Variants in DENND5A observed in about 807,000 individuals in gnomAD.
DENND5A encodes the protein DENN domain-containing protein 5A.
Under a neutral mutation model 140.3 loss-of-function variants are expected in DENND5A, and 64 were observed. The observed-to-expected ratio is 0.46, with a 90% CI of 0.37 to 0.56. The LOEUF (loss-of-function observed/expected upper bound fraction) is 0.56. Among genes scored for constraint, DENND5A ranks in the 20% least tolerant of loss-of-function variants. The pLI, the probability that DENND5A is intolerant of heterozygous loss-of-function variation, is 0.00. For missense variants in DENND5A, 1,292 were observed against 1,593.8 expected (o/e 0.81, Z 3.22); for synonymous variants, 605 against 607.7 (o/e 1.00, Z 0.07).
At chr11:9,210,735 G>T (rs1849849806) in intron 1 of DENND5A, among the ~76,000 whole-genome samples, 1 of 152,126 alleles carries the variant, frequency 6.6e-6, no homozygotes, top group Non-Finnish European at 1.5e-5. Flanking sequence ...GTCTAGCTAG[G>T]TTGCCCAGGT....
At position 9,170,760 on chromosome 11, in the gene DENND5A, G is replaced by A. The variant is rs752932801; in HGVS notation, c.1924C>T (p.Arg642Cys). Reference protein sequence around the residue: ...VDEAEKAIELRLAKIDHTAIH... With the variant: ...VDEAEKAIELCLAKIDHTAIH... ...GCAGTATGGTCAATTTTTGCCAGAC[G>A]CAGCTCAATTGCTTTCTCTGGATGA... Residue 642 changes from arginine to cysteine, a missense_variant, in exon 9 of 23, where the codon CGT (arginine) becomes TGT (cysteine). Transcript: ENST00000328194. 4 of 1,612,308 alleles carry A rather than the reference G, an allele frequency of 2.5e-6. No individual in the cohort carries two copies. The highest frequency in any genetic ancestry group is 1.3e-5 in the African/African-American group (1 of 74,486).
At chr11:9,261,777 C>CAAAAAAAAAA (rs10651988) in intron 1 of DENND5A, among the ~76,000 whole-genome samples, 1 of 89,822 alleles carries the variant, frequency 1.1e-5, no homozygotes, top group Non-Finnish European at 2.1e-5. Context: ...GACTGTGTCT[C>CAAAAAAAAAA]AAAAAAAAAA....
intron 9 of DENND5A, chr11:9,170,178 A>C: frequency 1.4e-6 from 1 of 714,464 alleles, no homozygotes; most frequent in Non-Finnish European, 1.7e-6. Context: ...AACATCTACA[A>C]ACACTTGACA....
In DENND5A at chr11:9,150,690, G is replaced by C. The variant is rs1847585732; in HGVS notation, c.2596C>G (p.Gln866Glu). The C allele has an allele frequency of 3.1e-6, 5 of 1,612,604 alleles. No individual in the cohort carries two copies. Among genetic ancestry groups the C allele is most frequent in the South Asian group, 1.1e-5 (1 of 90,990 alleles). ...TGAGCCCATACTGACCTCATATCCT[G>C]AATCAGGGAGATCCTCAGGGGAGGC... ...LMPPLRISLI[Q>E]DMRHIQNIGE... Residue 866 changes from glutamine to glutamate, a missense_variant, in exon 14 of 23, where the codon CAG becomes GAG. Physicochemically the swap from Gln to Glu is conservative, Grantham distance 29. Coordinates refer to ENST00000328194, the MANE Select transcript of DENND5A (RefSeq NM_015213.4).
chr11:9,207,966 T>C (rs1469570493), intron 1 of DENND5A, among the ~76,000 whole-genome samples: 1 of 152,214 alleles, frequency 6.6e-6, no homozygotes. Context: ...ATAAAGTCAC[T>C]AGTGCTTTAT....
chr11:9,163,437 T>C (rs1349189511), intron 11 of DENND5A, among the ~76,000 whole-genome samples: 1 of 152,190 alleles, frequency 6.6e-6, no homozygotes, highest in Non-Finnish European at 1.5e-5. Context: ...AATTGATATG[T>C]ATTTCACAGT....
chr11:9,174,086 G>C (rs1438117622), intron 8 of DENND5A, among the ~76,000 whole-genome samples: 1 of 94,718 alleles, frequency 1.1e-5, no homozygotes, highest in Non-Finnish European at 1.9e-5. Context: ...CTGGGCGATA[G>C]AGCAAGACTC....
chr11:9,216,271 T>C (rs1384367296), intron 1 of DENND5A, among the ~76,000 whole-genome samples: 1 of 152,250 alleles, frequency 6.6e-6, no homozygotes. Flanking sequence ...TCCATGACTA[T>C]TGGGCCTAGA....
chr11:9,170,519 G>C (rs1848334360), intron 9 of DENND5A, 108 bp downstream of exon 9: 2 of 1,364,306 alleles, frequency 1.5e-6, no homozygotes, highest in Non-Finnish European at 2.0e-6. Context: ...CTCCATATCT[G>C]CTTTAGAAAA....
At chr11:9,152,952 C>T (rs1489093916) in intron 12 of DENND5A, among the ~76,000 whole-genome samples, 2 of 150,072 alleles carry the variant, frequency 1.3e-5, no homozygotes, top group Non-Finnish European at 3.0e-5. Context: ...GAGCCTAGAT[C>T]GCACCATTGC....
chr11:9,185,170 G>A (rs566367929), intron 5 of DENND5A, among the ~76,000 whole-genome samples: 3 of 152,184 alleles, frequency 2.0e-5, no homozygotes, highest in East Asian at 3.9e-4. Context: ...CAGCCTGGGC[G>A]ACAGTGTGAG....
intron 11 of DENND5A, among the ~76,000 whole-genome samples, chr11:9,161,227 G>A (rs555933546): frequency 6.6e-6 from 1 of 152,196 alleles, no homozygotes; most frequent in African/African-American, 2.4e-5. Context: ...GGGCGCCTGT[G>A]GTCCCAGCTA....
intron 1 of DENND5A, among the ~76,000 whole-genome samples, chr11:9,216,922 G>C (rs747419129): frequency 1.3e-5 from 2 of 152,004 alleles, no homozygotes; most frequent in Non-Finnish European, 2.9e-5. Flanking sequence ...TGTAGTACCA[G>C]CTATTCAGGA....
At chr11:9,244,364 T>C (rs13377443) in intron 1 of DENND5A, among the ~76,000 whole-genome samples, 5,062 of 152,068 alleles carry the variant, frequency 0.033, 292 homozygotes, top group African/African-American at 0.12. Context: ...TTATTTATTT[T>C]ATTTATTTTT....
chr11:9,195,678 CA>C (rs1849300044), intron 4 of DENND5A, among the ~76,000 whole-genome samples: 1 of 152,126 alleles, frequency 6.6e-6, no homozygotes, highest in South Asian at 2.1e-4. Context: ...AGAAGTTTAG[CA>C]AAACATCCTA....
At chr11:9,180,260 T>A (rs1436572540) in intron 6 of DENND5A, among the ~76,000 whole-genome samples, 1 of 151,834 alleles carries the variant, frequency 6.6e-6, no homozygotes, top group South Asian at 2.1e-4. Flanking sequence ...TGAGACTAGC[T>A]GAGCAACATA....
intron 1 of DENND5A, among the ~76,000 whole-genome samples, chr11:9,224,365 T>C (rs537816824): frequency 6.6e-6 from 1 of 152,320 alleles, no homozygotes; most frequent in South Asian, 2.1e-4. Context: ...TCCATCTGCA[T>C]ATAAGGCACC....
intron 1 of DENND5A, among the ~76,000 whole-genome samples, chr11:9,212,933 C>G (rs951740484): frequency 6.6e-6 from 1 of 151,090 alleles, no homozygotes; most frequent in Non-Finnish European, 1.5e-5. Flanking sequence ...AAGGGCAACC[C>G]CAAGAATTCT....
intron 6 of DENND5A, 103 bp downstream of exon 6, chr11:9,180,664 T>A (rs1003556886): frequency 3.6e-6 from 4 of 1,113,736 alleles, no homozygotes; most frequent in African/African-American, 1.6e-5. Context: ...CTCACAAATA[T>A]GAGTTGTCCA....
Sources: allele counts gnomAD v4.1 joint callset (sites outside exome capture counted in the v4.1 genomes callset), GRCh38; gene constraint gnomAD v4.1.1; transcripts MANE v1.5; gene names NCBI Gene and HGNC (gene_info 2026-07-23, HGNC 2026-07-21).